NR6A1: variants seen among roughly 807,000 people sequenced by gnomAD.
NR6A1 encodes the protein retinoic acid receptor-related testis-associated receptor.
A neutral mutation model predicts 59.1 loss-of-function variants in NR6A1; 7 were observed. The ratio of observed to expected loss-of-function variants is 0.12; its 90% CI spans 0.07 to 0.22. The LOEUF (loss-of-function observed/expected upper bound fraction) is 0.22, where lower values mean the gene tolerates loss of function less well. Among genes scored for constraint, NR6A1 ranks in the 10% least tolerant of loss-of-function variants. The probability of loss-of-function intolerance (pLI) is 1.00; values close to 1 mark genes in which losing one functional copy is unlikely to be tolerated. For missense variants in NR6A1, 468 were observed against 611.6 expected, an observed-to-expected ratio of 0.77 and a Z score of 2.48; for synonymous variants, 243 against 236.1, an observed-to-expected ratio of 1.03 and a Z score of -0.27.
At chr9:124,736,309 C>G (rs560573363) in intron 1 of NR6A1, among the ~76,000 whole-genome samples, 1 of 152,226 alleles carries the variant, frequency 6.6e-6, no homozygotes, top group East Asian at 1.9e-4. Context: ...GTTGTGAACT[C>G]AAGTAAATGA....
At chr9:124,530,001 G>A (rs1244902921) in intron 7 of NR6A1, among the ~76,000 whole-genome samples, 2 of 152,192 alleles carry the variant, frequency 1.3e-5, no homozygotes, top group African/African-American at 4.8e-5. Context: ...TATGTAGCAA[G>A]CAAAGATAAT....
intron 1 of NR6A1, among the ~76,000 whole-genome samples, chr9:124,750,737 G>A (rs539742604): frequency 1.3e-5 from 2 of 152,120 alleles, no homozygotes; most frequent in Non-Finnish European, 2.9e-5. Context: ...TCCAGCCTGG[G>A]TGACAGAGCG....
intron 2 of NR6A1, among the ~76,000 whole-genome samples, chr9:124,723,989 G>A (rs568762913): frequency 6.6e-6 from 1 of 152,206 alleles, no homozygotes; most frequent in South Asian, 2.1e-4. Context: ...TGTTCACTGT[G>A]GCATTATTTA....
At chr9:124,680,240 C>T (rs1481842738) in intron 2 of NR6A1, among the ~76,000 whole-genome samples, 2 of 152,132 alleles carry the variant, frequency 1.3e-5, no homozygotes, top group Non-Finnish European at 2.9e-5. Flanking sequence ...TTAACCTCTG[C>T]ATCTGGACAC....
At chr9:124,537,177 C>T (rs1833294435) in intron 6 of NR6A1, among the ~76,000 whole-genome samples, 2 of 152,018 alleles carry the variant, frequency 1.3e-5, no homozygotes, top group South Asian at 4.2e-4. Context: ...GCAACCTCCA[C>T]CTCCTGGGTT....
At chr9:124,541,148 AAAGCTTCT>A (rs1333210156) in intron 4 of NR6A1, among the ~76,000 whole-genome samples, 1 of 152,232 alleles carries the variant, frequency 6.6e-6, no homozygotes, top group African/African-American at 2.4e-5. Context: ...ATTAAACTAA[AAAGCTTCT>A]GTGCAACAAA....
intron 9 of NR6A1, among the ~76,000 whole-genome samples, chr9:124,523,519 T>A (rs778716480): frequency 2.7e-5 from 3 of 111,976 alleles, no homozygotes; most frequent in Non-Finnish European, 5.0e-5. Flanking sequence ...CAAACATTGA[T>A]TTTTTTTTTT....
intron 2 of NR6A1, among the ~76,000 whole-genome samples, chr9:124,605,893 C>T (rs989181773): frequency 1.6e-4 from 24 of 152,208 alleles, no homozygotes; most frequent in African/African-American, 1.7e-4. Flanking sequence ...TTGACCACCA[C>T]TATCTCCCAT....
rs115876315 is a variant in NR6A1, at chr9:124,668,641, A to G, written c.142+64667T>C. Among the ~76,000 whole-genome samples, 148 of 152,342 alleles carry G rather than the reference A, an allele frequency of 9.7e-4. 2 individuals carry two copies. The highest frequency in any genetic ancestry group is 3.4e-3 in the African/African-American group (141 of 41,570). ...CCATTCTCAACACCGATTTTTCACAATCATTTGTTCACTTACAAGCATATT... is the reference window on the plus strand; with the variant it reads ...CCATTCTCAACACCGATTTTTCACAGTCATTTGTTCACTTACAAGCATATT... On this transcript the variant is annotated intron_variant, in intron 2 of 9. Coordinates refer to ENST00000487099, the MANE Select transcript of NR6A1 (RefSeq NM_033334.4).
intron 2 of NR6A1, among the ~76,000 whole-genome samples, chr9:124,712,889 T>C (rs1839317987): frequency 1.3e-5 from 2 of 152,174 alleles, no homozygotes; most frequent in South Asian, 4.1e-4. Flanking sequence ...AGATTAGTAA[T>C]TAATTATTAA....
At chr9:124,561,982 G>A (rs1834097203) in intron 2 of NR6A1, among the ~76,000 whole-genome samples, 1 of 152,176 alleles carries the variant, frequency 6.6e-6, no homozygotes, top group African/African-American at 2.4e-5. Flanking sequence ...CCTGGTGGCA[G>A]GGGAAAGTAA....
chr9:124,592,080 C>A (rs1249569862), intron 2 of NR6A1, among the ~76,000 whole-genome samples: 1 of 152,100 alleles, frequency 6.6e-6, no homozygotes, highest in East Asian at 1.9e-4. Context: ...TGTTTGGTTG[C>A]CATATTTGTG....
intron 2 of NR6A1, among the ~76,000 whole-genome samples, chr9:124,579,755 A>G (rs1320456059): frequency 1.3e-5 from 2 of 152,218 alleles, no homozygotes; most frequent in Non-Finnish European, 2.9e-5. Context: ...TCATACCTGT[A>G]ATCCTACCAC....
intron 2 of NR6A1, among the ~76,000 whole-genome samples, chr9:124,679,165 T>C (rs1838047891): frequency 6.6e-6 from 1 of 152,248 alleles, no homozygotes. Flanking sequence ...GTTCCTTATA[T>C]ATACATGTTA....
chr9:124,714,696 C>G (rs947510188), intron 2 of NR6A1, among the ~76,000 whole-genome samples: 6 of 151,958 alleles, frequency 3.9e-5, no homozygotes, highest in Non-Finnish European at 8.8e-5. Flanking sequence ...TCACAAGATA[C>G]AAATACATAA....
intron 2 of NR6A1, among the ~76,000 whole-genome samples, chr9:124,677,816 G>T (rs1281212756): frequency 1.3e-5 from 2 of 151,994 alleles, no homozygotes; most frequent in African/African-American, 2.4e-5. Flanking sequence ...TTTATAGTTT[G>T]CCAATGTCTA....
intron 2 of NR6A1, among the ~76,000 whole-genome samples, chr9:124,585,712 T>C (rs1834912274): frequency 2.0e-5 from 3 of 152,128 alleles, no homozygotes; most frequent in African/African-American, 4.8e-5. Flanking sequence ...CTACGGGCTT[T>C]CATAGCTAGA....
chr9:124,711,262 T>A (rs1242680066), intron 2 of NR6A1, among the ~76,000 whole-genome samples: 1 of 143,648 alleles, frequency 7.0e-6, no homozygotes, highest in Non-Finnish European at 1.5e-5. Flanking sequence ...GCCTGCCAGG[T>A]CACACTGTTT....
intron 2 of NR6A1, among the ~76,000 whole-genome samples, chr9:124,627,921 C>T (rs547290356): frequency 1.0e-4 from 11 of 105,936 alleles, no homozygotes; most frequent in African/African-American, 3.4e-4. Context: ...CAAAACAAAG[C>T]AACAGAAAGT....
Sources: gnomAD v4.1 joint callset for allele counts (sites outside exome capture counted in the v4.1 genomes callset) on GRCh38, gnomAD v4.1.1 for gene constraint, MANE v1.5 for transcripts, NCBI Gene and HGNC (gene_info 2026-07-23, HGNC 2026-07-21) for gene names.